The following RANBP9 variants were observed in gnomAD, a reference collection of about 807,000 sequenced individuals.
The protein encoded by RANBP9 is RAN binding protein 9, also known as ran-binding protein 9.
In RANBP9, 15 loss-of-function variants were observed where a neutral mutation model predicts 84.3. That is an observed-to-expected ratio of 0.18 (90% CI 0.12 to 0.27). The LOEUF (loss-of-function observed/expected upper bound fraction) is 0.27. Ranked by LOEUF, RANBP9 falls within the 10% of genes least tolerant of loss-of-function variation. The pLI is 1.00. For missense variants in RANBP9, 809 were observed against 912.8 expected (o/e 0.89, Z 1.46); for synonymous variants, 392 against 349.6 (o/e 1.12, Z -1.35).
At chr6:13,702,668 T>C (rs1011045591) in intron 1 of RANBP9, among the ~76,000 whole-genome samples, 1 of 152,084 alleles carries the variant, frequency 6.6e-6, no homozygotes, top group African/African-American at 2.4e-5. Context: ...ATGCTGACAT[T>C]AGAAGCTAAA....
At chr6:13,663,493 A>G (rs1422457566) in intron 2 of RANBP9, among the ~76,000 whole-genome samples, 1 of 152,158 alleles carries the variant, frequency 6.6e-6, no homozygotes, top group East Asian at 1.9e-4. Flanking sequence ...TTTATAACAT[A>G]CCATAGATGT....
At chr6:13,697,419 T>G (rs1485004781) in intron 1 of RANBP9, among the ~76,000 whole-genome samples, 1 of 152,228 alleles carries the variant, frequency 6.6e-6, no homozygotes. Context: ...TGTTCTTTGG[T>G]ATAGTCTTAT....
rs530900791 is a variant in RANBP9, at chr6:13,702,622, A to G, written c.572-5726T>C. 7.2e-5 allele frequency among the ~76,000 whole-genome samples: 11 copies of G among 152,296 alleles called. No homozygotes were observed. The South Asian group carries it at 2.3e-3, about 32-fold the overall frequency. On this transcript the variant is annotated intron_variant, in intron 1 of 13. Transcript: ENST00000011619. ...CACAATACTTTCCAAAGGAATTTTT[A>G]AGGATAATTTTGGTTATGTAGGATT...
chr6:13,632,511 T>C lies in RANBP9; in HGVS notation c.1806A>G (p.Ser602=), dbSNP rs947349415. 1.1e-5 allele frequency: 17 copies of C among 1,612,856 alleles called. No individual in the cohort carries two copies. Among genetic ancestry groups the C allele is most frequent in the Non-Finnish European group, 1.2e-5 (14 of 1,179,052 alleles). The change falls in exon 12 of 14, where the codon TCA becomes TCG. Residue 602 remains serine, a synonymous_variant. Coordinates refer to ENST00000011619, the MANE Select transcript of RANBP9 (RefSeq NM_005493.3). ...CACACAACTGGCGTCTCAACTGACT[T>C]GAATCAACTTCTGTAAGAAAAACAG... The part of the protein sequence containing the change: ...EDCDTEMEVD[S]SQLRRQLCGG...
At chr6:13,630,251 T>C (rs536364168) in intron 12 of RANBP9, among the ~76,000 whole-genome samples, 2 of 152,226 alleles carry the variant, frequency 1.3e-5, no homozygotes, top group East Asian at 1.9e-4. Flanking sequence ...GCTTAGAAGT[T>C]AGAGGTGCAA....
At chr6:13,651,858 C>T (rs909689643) in intron 5 of RANBP9, among the ~76,000 whole-genome samples, 8 of 152,114 alleles carry the variant, frequency 5.3e-5, no homozygotes, top group Middle Eastern at 6.8e-3. Flanking sequence ...AATAGCTTAC[C>T]CCCAACCCCA....
At chr6:13,662,804 A>G (rs1292548061) in intron 2 of RANBP9, among the ~76,000 whole-genome samples, 2 of 152,208 alleles carry the variant, frequency 1.3e-5, no homozygotes, top group Non-Finnish European at 2.9e-5. Context: ...AGAACCAAAC[A>G]GAAATTCTGG....
At chr6:13,649,753 CT>C (rs1765253442) in intron 5 of RANBP9, among the ~76,000 whole-genome samples, 2 of 152,056 alleles carry the variant, frequency 1.3e-5, no homozygotes, top group Non-Finnish European at 2.9e-5. Context: ...TACTCCATTT[CT>C]TTACTCCTCA....
chr6:13,694,743 C>T (rs1247354758), intron 2 of RANBP9, among the ~76,000 whole-genome samples: 1 of 152,156 alleles, frequency 6.6e-6, no homozygotes, highest in Non-Finnish European at 1.5e-5. Context: ...CCGCCCTGTC[C>T]CCACCTGGGA....
intron 2 of RANBP9, among the ~76,000 whole-genome samples, chr6:13,661,990 AG>A (rs1260327117): frequency 6.6e-6 from 1 of 152,172 alleles, no homozygotes; most frequent in East Asian, 1.9e-4. Context: ...AGCAAGAATG[AG>A]GGAAAAAATA....
rs767259145 is a variant in RANBP9, at chr6:13,711,455, CTGCTGCTGT to C, written c.42_50del (p.Gln16_Gln18del). The C allele has an allele frequency of 6.5e-6, 8 of 1,228,300 alleles. No individual in the cohort carries two copies. Among genetic ancestry groups the C allele is most frequent in the East Asian group, 3.2e-5 (1 of 30,928 alleles). 76.1% of individuals were successfully genotyped at this position (1,228,300 alleles called of 1,614,324 possible). A position where few individuals can be genotyped will look rare whatever the true frequency, so the allele number is the denominator to read the frequency against. Reference sequence around the variant, plus strand: ...CCGCCGGCGGTGGCGGCGACAGCTGCTGCTGCTGTTGCTGCTGCTGCGGCGGCGGCGGCG... The same window carrying C: ...CCGCCGGCGGTGGCGGCGACAGCTGCTGCTGCTGCTGCGGCGGCGGCGGCG... On this transcript the variant is annotated inframe_deletion, in exon 1 of 14. Coordinates refer to ENST00000011619, the MANE Select transcript of RANBP9 (RefSeq NM_005493.3).
At chr6:13,685,072 A>C (rs887213978) in intron 2 of RANBP9, among the ~76,000 whole-genome samples, 3 of 152,130 alleles carry the variant, frequency 2.0e-5, no homozygotes, top group Non-Finnish European at 1.5e-5. Context: ...AAATTGCAAT[A>C]ATTTTTCCGG....
At chr6:13,666,421 C>G (rs964006517) in intron 2 of RANBP9, among the ~76,000 whole-genome samples, 5 of 151,530 alleles carry the variant, frequency 3.3e-5, no homozygotes, top group Admixed American at 3.3e-4. Context: ...ATGTCAGTAA[C>G]ACATTTTTGA....
intron 2 of RANBP9, among the ~76,000 whole-genome samples, chr6:13,676,338 C>G (rs1262285959): frequency 6.6e-6 from 1 of 151,936 alleles, no homozygotes; most frequent in Non-Finnish European, 1.5e-5. Context: ...AAAACAAACA[C>G]TGGGCCCAGA....
chr6:13,706,760 G>A lies in RANBP9; in HGVS notation c.571+4175C>T, dbSNP rs1460561764. Among the ~76,000 whole-genome samples the A allele has an allele frequency of 2.0e-5, 3 of 151,532 alleles. No homozygotes were observed. The East Asian group carries it at 5.8e-4, about 30-fold the overall frequency. ...CTCATGCCTGTAATCCCGGCATTTT[G>A]GGAGGCCGAGGCGGGCAGATCATCT... On this transcript the variant is annotated intron_variant, in intron 1 of 13. Transcript: ENST00000011619.
intron 1 of RANBP9, among the ~76,000 whole-genome samples, chr6:13,702,709 C>A (rs1033675493): frequency 1.3e-5 from 2 of 151,922 alleles, no homozygotes; most frequent in African/African-American, 4.8e-5. Flanking sequence ...CACTATCAGC[C>A]GTTAAAAATT....
At chr6:13,692,386 GC>G (rs1025780320) in intron 2 of RANBP9, among the ~76,000 whole-genome samples, 45 of 151,626 alleles carry the variant, frequency 3.0e-4, no homozygotes, top group African/African-American at 1.1e-3. Context: ...AAATAAGCTG[GC>G]CGTGGTGGCG....
chr6:13,704,438 G>A (rs142215083), intron 1 of RANBP9, among the ~76,000 whole-genome samples: 1 of 151,954 alleles, frequency 6.6e-6, no homozygotes, highest in African/African-American at 2.4e-5. Flanking sequence ...GACCAGCCTG[G>A]GCAACATGGC....
At chr6:13,632,968 G>C (rs1764834522) in intron 11 of RANBP9, among the ~76,000 whole-genome samples, 1 of 151,076 alleles carries the variant, frequency 6.6e-6, no homozygotes, top group African/African-American at 2.4e-5. Context: ...AAATACAGAA[G>C]ACAGCATATT....
Sources: gnomAD v4.1 joint callset for allele counts (sites outside exome capture counted in the v4.1 genomes callset) on GRCh38, gnomAD v4.1.1 for gene constraint, MANE v1.5 for transcripts, NCBI Gene and HGNC (gene_info 2026-07-23, HGNC 2026-07-21) for gene names.